Variants in GPR176 observed in about 807,000 individuals in gnomAD.
The protein encoded by GPR176 is G-protein coupled receptor 176.
A neutral mutation model predicts 35.4 loss-of-function variants in GPR176; 26 were observed. That is an observed-to-expected ratio of 0.74 (90% CI 0.54 to 1.02). The LOEUF is 1.02. Among genes scored for constraint, GPR176 ranks in the 50% least tolerant of loss-of-function variants. The pLI is 0.00. For missense variants in GPR176, 597 were observed against 665.3 expected (o/e 0.90, Z 1.13); for synonymous variants, 278 against 271.3 (o/e 1.02, Z -0.24).
chr15:39,846,427 C>T (rs530208408), intron 1 of GPR176, among the ~76,000 whole-genome samples: 1 of 152,292 alleles, frequency 6.6e-6, no homozygotes, highest in East Asian at 1.9e-4. Context: ...CTACCCAGCT[C>T]CTCTTCCATA....
chr15:39,920,231 C>T lies in GPR176; in HGVS notation c.-205G>A. 1 of 400,254 alleles carries T rather than the reference C, an allele frequency of 2.5e-6. No homozygotes were observed. The highest frequency in any genetic ancestry group is 4.4e-6 in the Non-Finnish European group (1 of 226,240). 24.8% of individuals were successfully genotyped at this position (400,254 alleles called of 1,614,324 possible). On this transcript the variant is annotated 5_prime_UTR_variant, in exon 1 of 3. Transcript: ENST00000561100. Reference sequence around the variant, plus strand: ...GAGGGAGGCGCGGCTGCGCCCCATGCCCACTCCCTCCTGGATCCCAGTCAG... The same window carrying T: ...GAGGGAGGCGCGGCTGCGCCCCATGTCCACTCCCTCCTGGATCCCAGTCAG...
At chr15:39,907,742 C>A (rs367601899) in intron 1 of GPR176, among the ~76,000 whole-genome samples, 6 of 152,194 alleles carry the variant, frequency 3.9e-5, no homozygotes, top group Non-Finnish European at 7.3e-5. Context: ...TTTTCTAACA[C>A]AGCTAGATTT....
At chr15:39,909,114 C>T (rs2033507463) in intron 1 of GPR176, among the ~76,000 whole-genome samples, 1 of 152,204 alleles carries the variant, frequency 6.6e-6, no homozygotes, top group African/African-American at 2.4e-5. Flanking sequence ...TCCAGACAGG[C>T]TTGCAGTGAG....
intron 1 of GPR176, among the ~76,000 whole-genome samples, chr15:39,833,022 T>C (rs765579944): frequency 6.6e-6 from 1 of 152,206 alleles, no homozygotes; most frequent in Non-Finnish European, 1.5e-5. Context: ...CTTAACTTCA[T>C]GTCCATTTAC....
At chr15:39,809,206 T>C (rs1336528837) in intron 1 of GPR176, among the ~76,000 whole-genome samples, 1 of 152,222 alleles carries the variant, frequency 6.6e-6, no homozygotes. Flanking sequence ...TCTTCTGCTA[T>C]TAAGAACCTG....
chr15:39,803,407 G>A (rs1899010069), intron 2 of GPR176, among the ~76,000 whole-genome samples: 2 of 150,730 alleles, frequency 1.3e-5, no homozygotes, highest in South Asian at 4.2e-4. Context: ...AGTCTCTCGA[G>A]CAGCTGGGAT....
rs909381305 is a variant in GPR176, at chr15:39,911,442, G to A, written c.172+8413C>T. ...AGTACAGGCCAGAAACAACTGTTTC[G>A]TATATGATTCTTCCGAATGAAATGT... is the stretch of plus-strand genomic sequence containing the variant. On this transcript the variant is annotated intron_variant, in intron 1 of 2. Transcript: ENST00000561100. Among the ~76,000 whole-genome samples the A allele has an allele frequency of 3.3e-5, 5 of 152,342 alleles. 1 individual carries two copies. Among genetic ancestry groups the A allele is most frequent in the South Asian group, 4.1e-4 (2 of 4,830 alleles).
At chr15:39,805,486 A>C (rs1899132060) in intron 2 of GPR176, among the ~76,000 whole-genome samples, 1 of 152,112 alleles carries the variant, frequency 6.6e-6, no homozygotes, top group African/African-American at 2.4e-5. Context: ...GAAAGAATAA[A>C]AAAGTCCTGC....
At chr15:39,820,893 C>T (rs1472582363) in intron 1 of GPR176, among the ~76,000 whole-genome samples, 5 of 152,182 alleles carry the variant, frequency 3.3e-5, no homozygotes, top group African/African-American at 4.8e-5. Context: ...CCATGCTAAG[C>T]GCTATTTTGT....
At chr15:39,907,500 G>A (rs1196923931) in intron 1 of GPR176, among the ~76,000 whole-genome samples, 4 of 152,150 alleles carry the variant, frequency 2.6e-5, no homozygotes, top group African/African-American at 9.7e-5. Flanking sequence ...AAAACATGGA[G>A]CAGCTCATTT....
At chr15:39,855,200 T>C (rs1215926893) in intron 1 of GPR176, among the ~76,000 whole-genome samples, 1 of 152,208 alleles carries the variant, frequency 6.6e-6, no homozygotes, top group Admixed American at 6.5e-5. Flanking sequence ...AAAAGAATAC[T>C]ATTTTCTCCA....
Position 39,799,046 on chromosome 15 carries a change from G to A in GPR176, c.*2086C>T, listed in dbSNP as rs1898700596. 6.6e-6 allele frequency: 1 copy of A among 152,144 alleles called. No individual in the cohort carries two copies. The highest frequency in any genetic ancestry group is 2.4e-5 in the African/African-American group (1 of 41,444). 9.4% of individuals were successfully genotyped at this position (152,144 alleles called of 1,614,324 possible). A position where few individuals can be genotyped will look rare whatever the true frequency, so the allele number is the denominator to read the frequency against. On this transcript the variant is annotated 3_prime_UTR_variant, in exon 3 of 3. Coordinates refer to ENST00000561100, the MANE Select transcript of GPR176 (RefSeq NM_007223.3). ...CTGCTTTTCAATTTTTTATTAAAATGTTATTCTTCAAAGAGTATAGAAATA... is the reference window on the plus strand; with the variant it reads ...CTGCTTTTCAATTTTTTATTAAAATATTATTCTTCAAAGAGTATAGAAATA...
chr15:39,886,959 T>C (rs1286291147), intron 1 of GPR176, among the ~76,000 whole-genome samples: 1 of 152,236 alleles, frequency 6.6e-6, no homozygotes, highest in Non-Finnish European at 1.5e-5. Context: ...TTTGTTCCAA[T>C]GGGCCATACG....
chr15:39,899,547 C>T (rs2033215488), intron 1 of GPR176, among the ~76,000 whole-genome samples: 1 of 152,060 alleles, frequency 6.6e-6, no homozygotes, highest in Admixed American at 6.5e-5. Flanking sequence ...AACCAGAAGC[C>T]TGGAGACAAG....
In GPR176 at chr15:39,859,460, A is replaced by G. The variant is rs189869848; in HGVS notation, c.173-52202T>C. ...TTGCAAATTAAAACCATAATGAGCT[A>G]TCACCTCATGTCCATTAGGATGGCC... is the stretch of plus-strand genomic sequence containing the variant. On this transcript the variant is annotated intron_variant, in intron 1 of 2. Transcript: ENST00000561100. Among the ~76,000 whole-genome samples the G allele has an allele frequency of 3.9e-3, 589 of 151,276 alleles. 10 individuals are homozygous for G. Among genetic ancestry groups the G allele is most frequent in the Middle Eastern group, 3.4e-3 (1 of 294 alleles).
intron 1 of GPR176, among the ~76,000 whole-genome samples, chr15:39,891,444 C>G (rs578085359): frequency 6.6e-6 from 1 of 152,218 alleles, no homozygotes; most frequent in Admixed American, 6.5e-5. Context: ...AGCTTCCAAT[C>G]CTAAGCTCAA....
intron 1 of GPR176, among the ~76,000 whole-genome samples, chr15:39,861,174 C>T (rs1463795405): frequency 6.6e-6 from 1 of 152,170 alleles, no homozygotes; most frequent in Non-Finnish European, 1.5e-5. Flanking sequence ...GTTTATCAAC[C>T]ATGACATAAC....
chr15:39,807,561 T>G (rs1482972060), intron 1 of GPR176: 2 of 1,518,614 alleles, frequency 1.3e-6, no homozygotes, highest in Non-Finnish European at 1.8e-6. Context: ...AATTTGCTAG[T>G]TATTACTTAA....
intron 1 of GPR176, among the ~76,000 whole-genome samples, chr15:39,809,624 C>T (rs1373479101): frequency 1.3e-5 from 2 of 152,172 alleles, no homozygotes; most frequent in African/African-American, 2.4e-5. Context: ...AGCTCTGGAA[C>T]CATTCCAATT....
Sources: gnomAD v4.1 joint callset for allele counts (sites outside exome capture counted in the v4.1 genomes callset) on GRCh38, gnomAD v4.1.1 for gene constraint, MANE v1.5 for transcripts, NCBI Gene and HGNC (gene_info 2026-07-23, HGNC 2026-07-21) for gene names.